The following WWOX variants were observed in gnomAD, a reference collection of about 807,000 sequenced individuals.
WWOX encodes the protein WW domain containing oxidoreductase.
A neutral mutation model predicts 46.2 loss-of-function variants in WWOX; 69 were observed. That is an observed-to-expected ratio of 1.49 (90% CI 1.23 to 1.82). WWOX has a LOEUF of 1.82. Ranked by LOEUF, WWOX falls within the 40% of genes most tolerant of loss-of-function variation. The probability of loss-of-function intolerance (pLI) is 0.00; values close to 1 mark genes in which losing one functional copy is unlikely to be tolerated. For synonymous variants in WWOX, 359 were observed against 202.6 expected (o/e 1.77, Z -6.56); for missense variants, 919 against 542.6 (o/e 1.69, Z -6.89).
chr16:78,735,423 AC>A (rs1567524848), intron 8 of WWOX, among the ~76,000 whole-genome samples: 44 of 151,714 alleles, frequency 2.9e-4, no homozygotes, highest in African/African-American at 2.2e-4. Context: ...ACACACACAC[AC>A]ACTAATATGG....
intron 8 of WWOX, among the ~76,000 whole-genome samples, chr16:78,686,294 G>A (rs984945764): frequency 6.6e-6 from 1 of 152,036 alleles, no homozygotes; most frequent in African/African-American, 2.4e-5. Flanking sequence ...GGCGGATCAC[G>A]AGGTCAGGAG....
At chr16:78,175,126 C>G (rs16947225) in intron 5 of WWOX, among the ~76,000 whole-genome samples, 15,282 of 152,106 alleles carry the variant, frequency 0.1, 783 homozygotes, top group African/African-American at 0.11. Context: ...CCTATCATGT[C>G]TTCAGTGTCA....
At chr16:78,114,087 G>A (rs2032643602) in intron 3 of WWOX, among the ~76,000 whole-genome samples, 1 of 122,100 alleles carries the variant, frequency 8.2e-6, no homozygotes, top group Non-Finnish European at 1.7e-5. Context: ...ATCCATATGT[G>A]CCTTTTTTTT....
intron 4 of WWOX, among the ~76,000 whole-genome samples, chr16:78,116,428 G>T (rs2032793756): frequency 6.6e-6 from 1 of 152,174 alleles, no homozygotes; most frequent in Non-Finnish European, 1.5e-5. Context: ...TGCCATCCGA[G>T]TGGAGAATTT....
At chr16:78,828,405 C>T (rs566212225) in intron 8 of WWOX, among the ~76,000 whole-genome samples, 51 of 152,134 alleles carry the variant, frequency 3.4e-4, no homozygotes, top group Admixed American at 2.8e-3. Context: ...GCAATATGAC[C>T]GTGTACAGGA....
chr16:78,392,268 C>G (rs575832973), intron 6 of WWOX, among the ~76,000 whole-genome samples: 1 of 152,054 alleles, frequency 6.6e-6, no homozygotes, highest in Admixed American at 6.5e-5. Context: ...ACCGTGATCC[C>G]TATTGTGAGC....
chr16:78,994,466 C>T (rs901070317), intron 8 of WWOX: 2 of 152,134 alleles, frequency 1.3e-5, no homozygotes, highest in African/African-American at 2.4e-5. Flanking sequence ...TGACTGAAGT[C>T]ACAAAAATTA....
In WWOX at chr16:78,348,524, C is replaced by T. The variant is rs951807232; in HGVS notation, c.517-38336C>T. On this transcript the variant is annotated intron_variant, in intron 5 of 8. Coordinates refer to ENST00000566780, the MANE Select transcript of WWOX (RefSeq NM_016373.4). ...TCAGGCTGGATTGAGTGCAGTGAAT[C>T]TTGGCTCACTGTAGCTTTTGCCTCT... is the stretch of plus-strand genomic sequence containing the variant. Among the ~76,000 whole-genome samples the T allele has an allele frequency of 1.3e-4, 16 of 121,056 alleles. 6 individuals carry two copies. The highest frequency in any genetic ancestry group is 3.0e-4 in the Non-Finnish European group (15 of 50,656). The allele number at this position is 121,056 out of a possible 152,430, so 79.4% of individuals were successfully genotyped here. A position where few individuals can be genotyped will look rare whatever the true frequency, so the allele number is the denominator to read the frequency against.
chr16:78,645,739 T>A (rs953658790), intron 8 of WWOX, among the ~76,000 whole-genome samples: 1 of 152,118 alleles, frequency 6.6e-6, no homozygotes, highest in Admixed American at 6.6e-5. Flanking sequence ...AGCCACGGCC[T>A]CCAACATTGG....
chr16:79,109,041 TGTGA>T (rs2049364697), intron 8 of WWOX, among the ~76,000 whole-genome samples: 1 of 151,998 alleles, frequency 6.6e-6, no homozygotes, highest in South Asian at 2.1e-4. Flanking sequence ...TCATCACCTG[TGTGA>T]GTGTGTTGTC....
At chr16:78,541,276 C>T (rs2043886305) in intron 8 of WWOX, among the ~76,000 whole-genome samples, 2 of 151,248 alleles carry the variant, frequency 1.3e-5, no homozygotes. Flanking sequence ...AGATCGAGAC[C>T]ATCCCGGCTA....
intron 8 of WWOX, among the ~76,000 whole-genome samples, chr16:79,081,828 C>G (rs1268296124): frequency 6.6e-6 from 1 of 152,114 alleles, no homozygotes; most frequent in African/African-American, 2.4e-5. Flanking sequence ...GCTTGAGTGA[C>G]AAAGCAGATT....
chr16:78,654,293 A>G (rs1219539023), intron 8 of WWOX, among the ~76,000 whole-genome samples: 1 of 152,216 alleles, frequency 6.6e-6, no homozygotes, highest in Non-Finnish European at 1.5e-5. Context: ...AGAATTATGA[A>G]ACATAAATCC....
At position 79,074,331 on chromosome 16, in the gene WWOX, A is replaced by G. The variant is rs16949499; in HGVS notation, c.1057-137277A>G. Among the ~76,000 whole-genome samples, 1,929 of 149,510 alleles carry G rather than the reference A, an allele frequency of 0.013. 109 individuals are homozygous for G. The East Asian group carries it at 0.17, about 13-fold the overall frequency. The stretch of plus-strand genomic sequence containing the variant: ...CCCCATTTCCCACACTTTAAATGAG[A>G]GAAGTAAACATCTGACTTCCTAAAA... On this transcript the variant is annotated intron_variant, in intron 8 of 8. Transcript: ENST00000566780.
chr16:78,477,675 C>T (rs892231575), intron 8 of WWOX, among the ~76,000 whole-genome samples: 10 of 151,666 alleles, frequency 6.6e-5, no homozygotes, highest in Admixed American at 2.0e-4. Context: ...CATATTTTAG[C>T]CTATAAACTG....
At chr16:78,147,845 C>T (rs181382192) in intron 4 of WWOX, among the ~76,000 whole-genome samples, 2 of 151,060 alleles carry the variant, frequency 1.3e-5, no homozygotes, top group Non-Finnish European at 2.9e-5. Flanking sequence ...AAACAATTCC[C>T]TCCTAAGCAT....
intron 8 of WWOX, among the ~76,000 whole-genome samples, chr16:78,684,476 C>G (rs982610597): frequency 2.0e-5 from 3 of 152,154 alleles, no homozygotes; most frequent in Non-Finnish European, 4.4e-5. Flanking sequence ...GTCCAGAATT[C>G]CTCTCCACCC....
At chr16:78,203,969 G>A (rs2036313183) in intron 5 of WWOX, among the ~76,000 whole-genome samples, 1 of 152,316 alleles carries the variant, frequency 6.6e-6, no homozygotes, top group South Asian at 2.1e-4. Context: ...GAGAGTTGAT[G>A]GGTAACAAGT....
intron 8 of WWOX, among the ~76,000 whole-genome samples, chr16:78,463,776 A>T (rs1240175652): frequency 6.6e-6 from 1 of 152,202 alleles, no homozygotes; most frequent in Non-Finnish European, 1.5e-5. Context: ...GTGTTAGGTT[A>T]GGGTTTATGA....
Sources: gnomAD v4.1 joint callset for allele counts (sites outside exome capture counted in the v4.1 genomes callset) on GRCh38, gnomAD v4.1.1 for gene constraint, MANE v1.5 for transcripts, NCBI Gene and HGNC (gene_info 2026-07-23, HGNC 2026-07-21) for gene names.